The following VPS54 variants were observed in gnomAD, a reference collection of about 807,000 sequenced individuals.
VPS54 encodes VPS54 subunit of GARP complex.
In VPS54, 45 loss-of-function variants were observed where a neutral mutation model predicts 121.5. That is an observed-to-expected ratio of 0.37 (90% CI 0.29 to 0.47). The LOEUF (loss-of-function observed/expected upper bound fraction) is 0.47, where lower values mean the gene tolerates loss of function less well. VPS54 is among the 20% of genes least tolerant of loss of function. The probability of loss-of-function intolerance (pLI) is 0.99; values close to 1 mark genes in which losing one functional copy is unlikely to be tolerated. For synonymous variants in VPS54, 371 were observed against 385.8 expected, an observed-to-expected ratio of 0.96 and a Z score of 0.45; for missense variants, 1,090 against 1,131.4, an observed-to-expected ratio of 0.96 and a Z score of 0.52.
chr2:63,921,416 T>G, intron 12 of VPS54, 81 bp from the exon 13 acceptor site: 1 of 1,453,662 alleles, frequency 6.9e-7, no homozygotes, highest in South Asian at 1.4e-5. Context: ...ATAAAAAGGA[T>G]GAAAAAGCTG....
intron 9 of VPS54, among the ~76,000 whole-genome samples, 175 bp from the exon 10 acceptor site, chr2:63,944,830 A>G (rs1674905065): frequency 6.6e-6 from 1 of 152,212 alleles, no homozygotes; most frequent in Non-Finnish European, 1.5e-5. Flanking sequence ...AATCAAAACC[A>G]CAATGAGATA....
Position 64,010,132 on chromosome 2 carries a change from G to A in VPS54, c.-21+8806C>T, listed in dbSNP as rs186342681. Among the ~76,000 whole-genome samples, 616 of 152,234 alleles carry A rather than the reference G, an allele frequency of 4.0e-3. 5 individuals are homozygous for A. Among genetic ancestry groups the A allele is most frequent in the Middle Eastern group, 0.027 (8 of 294 alleles). ...GCTGGCATTACAGGCGTGAGCCACC[G>A]CGCCTGGCCCCATATAATTGACTTA... On this transcript the variant is annotated intron_variant, in intron 1 of 22. Transcript: ENST00000272322.
chr2:63,974,747 T>A (rs1163325476), intron 3 of VPS54, among the ~76,000 whole-genome samples: 2 of 152,184 alleles, frequency 1.3e-5, no homozygotes, highest in African/African-American at 2.4e-5. Flanking sequence ...ATTGCTGGTA[T>A]ATAAGAAAGT....
chr2:63,896,564 C>G (rs930156663), intron 22 of VPS54, among the ~76,000 whole-genome samples: 2 of 152,142 alleles, frequency 1.3e-5, no homozygotes, highest in Non-Finnish European at 2.9e-5. Context: ...TTCAGCCTAA[C>G]AGATTCAACA....
rs568462822 is a variant in VPS54 at position 64,017,158 on chromosome 2, G to C, written c.-21+1780C>G. On this transcript the variant is annotated intron_variant, in intron 1 of 22. Coordinates refer to ENST00000272322, the MANE Select transcript of VPS54 (RefSeq NM_016516.3). ...AGTTCAAGACCAGCCTGGCTAATATGGTGAAACCCCCGTCTCTACTAAAAA... is the reference window on the plus strand; with the variant it reads ...AGTTCAAGACCAGCCTGGCTAATATCGTGAAACCCCCGTCTCTACTAAAAA... Among the ~76,000 whole-genome samples, 4 of 151,556 alleles carry C rather than the reference G, an allele frequency of 2.6e-5. No homozygotes were observed. The South Asian group carries it at 8.3e-4, about 32-fold the overall frequency.
chr2:64,002,752 C>G (rs867312940), intron 1 of VPS54, among the ~76,000 whole-genome samples: 1 of 152,274 alleles, frequency 6.6e-6, no homozygotes, highest in African/African-American at 2.4e-5. Context: ...TGCACATTCT[C>G]TTTTTTCCTA....
chr2:63,987,982 T>C (rs1677133158), intron 1 of VPS54, among the ~76,000 whole-genome samples: 2 of 152,226 alleles, frequency 1.3e-5, no homozygotes, highest in Non-Finnish European at 1.5e-5. Flanking sequence ...ATAATTTGAC[T>C]CCTTCCTTTC....
chr2:63,972,185 C>A lies in VPS54; in HGVS notation c.438G>T (p.Arg146Ser). 1 of 1,586,730 alleles carries A rather than the reference C, an allele frequency of 6.3e-7. No homozygotes were observed. Among genetic ancestry groups the A allele is most frequent in the South Asian group, 1.2e-5 (1 of 86,838 alleles). ...NICPPKDTFE[R>S]TLLHTHDKSR... ...TCATACCATGAGTATGTAAAAGAGTCCTTTCGAAGGTATCTTTAGGAGGAC... is the reference window on the plus strand; with the variant it reads ...TCATACCATGAGTATGTAAAAGAGTACTTTCGAAGGTATCTTTAGGAGGAC... Residue 146 changes from arginine (R) to serine (S), a missense_variant, in exon 4 of 23, where the codon AGG (arginine) becomes AGT (serine). Transcript: ENST00000272322.
Position 63,947,508 on chromosome 2 carries a change from T to A in VPS54, c.1138-18A>T. ...AGTCTTTCCTGTTAAAATAAAAGTA[T>A]GTAACTTGACATTTTAAATATGAAG... is the stretch of plus-strand genomic sequence containing the variant. On this transcript the variant is annotated intron_variant, in intron 8 of 22. Transcript: ENST00000272322. 2.1e-6 allele frequency: 3 copies of A among 1,455,984 alleles called. No individual in the cohort carries two copies. Among genetic ancestry groups the A allele is most frequent in the Non-Finnish European group, 2.8e-6 (3 of 1,074,388 alleles). 90.2% of individuals were successfully genotyped at this position (1,455,984 alleles called of 1,614,324 possible). A position where few individuals can be genotyped will look rare whatever the true frequency, so the allele number is the denominator to read the frequency against.
chr2:63,897,369 AGCTT>A (rs936833516), intron 22 of VPS54, 123 bp downstream of exon 22: 56 of 636,254 alleles, frequency 8.8e-5, no homozygotes, highest in Non-Finnish European at 6.6e-5. Context: ...AAAACACAAA[AGCTT>A]GCTGATTTTA....
At chr2:63,919,573 C>G (rs1673545329) in intron 15 of VPS54, among the ~76,000 whole-genome samples, 1 of 152,084 alleles carries the variant, frequency 6.6e-6, no homozygotes, top group Non-Finnish European at 1.5e-5. Flanking sequence ...CTTAACCCTT[C>G]TAAGCCTCAA....
chr2:63,920,281 T>C (rs1673583340), intron 14 of VPS54, among the ~76,000 whole-genome samples, 165 bp downstream of exon 14: 1 of 152,132 alleles, frequency 6.6e-6, no homozygotes. Flanking sequence ...TAACTCCACT[T>C]TGAAAAGCCA....
chr2:63,975,960 G>T (rs1575978985), intron 3 of VPS54, among the ~76,000 whole-genome samples: 1 of 152,198 alleles, frequency 6.6e-6, no homozygotes, highest in African/African-American at 2.4e-5. Context: ...GGCCAGGCTG[G>T]TCTCAAGTCC....
chr2:63,967,048 G>C (rs867250290), intron 5 of VPS54, among the ~76,000 whole-genome samples: 5 of 152,186 alleles, frequency 3.3e-5, no homozygotes, highest in South Asian at 4.1e-4. Context: ...TATTTATTTA[G>C]TATGCATATC....
At chr2:63,936,718 G>A (rs1224386967) in intron 11 of VPS54, among the ~76,000 whole-genome samples, 3 of 152,012 alleles carry the variant, frequency 2.0e-5, no homozygotes, top group Admixed American at 1.3e-4. Flanking sequence ...AAATACAATC[G>A]TAAAGAATGA....
intron 7 of VPS54, among the ~76,000 whole-genome samples, chr2:63,951,027 A>G (rs914371237): frequency 3.3e-5 from 5 of 152,112 alleles, no homozygotes; most frequent in Admixed American, 1.3e-4. Context: ...GCTTTAAATT[A>G]CCACTTGATA....
In VPS54 at chr2:63,992,096, T is replaced by G. The variant is rs1677350387; in HGVS notation, c.-20-8077A>C. On this transcript the variant is annotated intron_variant, in intron 1 of 22. Coordinates refer to ENST00000272322, the MANE Select transcript of VPS54 (RefSeq NM_016516.3). Reference sequence around the variant, plus strand: ...TTAATTCTGATTCAGTTGACGAGATTAAACTAATCGTGTCTGCCAAGCTTC... The same window carrying G: ...TTAATTCTGATTCAGTTGACGAGATGAAACTAATCGTGTCTGCCAAGCTTC... Among the ~76,000 whole-genome samples the G allele has an allele frequency of 2.0e-5, 3 of 152,212 alleles. No individual in the cohort carries two copies. In the South Asian group the frequency reaches 6.2e-4, roughly 32 times the overall value.
At chr2:63,959,913 C>T (rs1396011959) in intron 7 of VPS54, among the ~76,000 whole-genome samples, 4 of 151,936 alleles carry the variant, frequency 2.6e-5, no homozygotes, top group Non-Finnish European at 5.9e-5. Context: ...CCCAGCTACT[C>T]GGGAGCTGAG....
At chr2:63,996,315 C>T (rs1036390356) in intron 1 of VPS54, among the ~76,000 whole-genome samples, 1 of 152,148 alleles carries the variant, frequency 6.6e-6, no homozygotes, top group Admixed American at 6.5e-5. Flanking sequence ...ACATTTATCA[C>T]TTCCCCAATC....
Sources: allele counts gnomAD v4.1 joint callset (sites outside exome capture counted in the v4.1 genomes callset), GRCh38; gene constraint gnomAD v4.1.1; transcripts MANE v1.5; gene names NCBI Gene and HGNC (gene_info 2026-07-23, HGNC 2026-07-21).